Variants in TPD52 observed in about 807,000 individuals in gnomAD.
TPD52 encodes prostate and colon associated protein.
TPD52 carries 17 observed loss-of-function variants against 31.3 expected under a neutral mutation model. The observed-to-expected ratio is 0.54, with a 90% CI of 0.37 to 0.82. The LOEUF is 0.82. TPD52 is among the 40% of genes least tolerant of loss of function. The probability of loss-of-function intolerance (pLI) is 0.00; values close to 1 mark genes in which losing one functional copy is unlikely to be tolerated. For missense variants in TPD52, 212 were observed against 240.1 expected, an observed-to-expected ratio of 0.88 and a Z score of 0.77; for synonymous variants, 83 against 89.6, an observed-to-expected ratio of 0.93 and a Z score of 0.42.
At chr8:80,142,226 A>G (rs1361472037) in intron 1 of TPD52, among the ~76,000 whole-genome samples, 3 of 152,232 alleles carry the variant, frequency 2.0e-5, no homozygotes, top group Non-Finnish European at 2.9e-5. Context: ...ATGAGCTCCC[A>G]AAGGCACAAA....
intron 1 of TPD52, among the ~76,000 whole-genome samples, chr8:80,135,334 C>A (rs1036345148): frequency 6.6e-6 from 1 of 152,048 alleles, no homozygotes; most frequent in African/African-American, 2.4e-5. Context: ...CCTCCCACTT[C>A]CCAAGACAAC....
chr8:80,051,305 T>G, intron 4 of TPD52: 1 of 541,812 alleles, frequency 1.8e-6, no homozygotes, highest in Non-Finnish European at 3.2e-6. Context: ...CCAGAATTTT[T>G]CAACAACCTT....
intron 2 of TPD52, among the ~76,000 whole-genome samples, chr8:80,060,198 G>A: frequency 6.7e-6 from 1 of 149,842 alleles, no homozygotes; most frequent in Admixed American, 6.7e-5. Flanking sequence ...ATGAAAGTGG[G>A]GACATTAACT....
chr8:80,128,139 T>C (rs1339267736), intron 1 of TPD52, among the ~76,000 whole-genome samples: 2 of 152,200 alleles, frequency 1.3e-5, no homozygotes, highest in Non-Finnish European at 2.9e-5. Context: ...GAAACAATTA[T>C]CTCATAATGT....
Position 80,064,459 on chromosome 8 carries a change from A to C in TPD52, c.135+19T>G. The C allele has an allele frequency of 6.3e-7, 1 of 1,597,526 alleles. No individual in the cohort carries two copies. Among genetic ancestry groups the C allele is most frequent in the Non-Finnish European group, 8.6e-7 (1 of 1,165,092 alleles). On this transcript the variant is annotated intron_variant, in intron 2 of 7. Coordinates refer to ENST00000518937, the MANE Select transcript of TPD52 (RefSeq NM_001025253.3). ...ATTTTAAGTGCAAAAATAAAGTTGC[A>C]AAAGGAATGGTTCTTTACCTTTGCA... is the stretch of plus-strand genomic sequence containing the variant.
intron 1 of TPD52, among the ~76,000 whole-genome samples, chr8:80,069,850 GT>G (rs1391956614): frequency 6.6e-6 from 1 of 152,130 alleles, no homozygotes; most frequent in Non-Finnish European, 1.5e-5. Flanking sequence ...TGCGAGTGTG[GT>G]CAGAGCAGGG....
intron 1 of TPD52, among the ~76,000 whole-genome samples, chr8:80,118,021 C>T (rs749763045): frequency 8.5e-5 from 13 of 152,150 alleles, no homozygotes; most frequent in African/African-American, 2.9e-4. Context: ...TGTGAGCCAC[C>T]GCACCCAACC....
In TPD52 at chr8:80,089,772, T is replaced by C. The variant is rs532594253; in HGVS notation, c.20-25179A>G. The stretch of plus-strand genomic sequence containing the variant: ...GGTAAGTTTTTCCCTACCCTTATCT[T>C]ACAACAAAACTGAGACACATCAAAG... On this transcript the variant is annotated intron_variant, in intron 1 of 7. Coordinates refer to ENST00000518937, the MANE Select transcript of TPD52 (RefSeq NM_001025253.3). Among the ~76,000 whole-genome samples, 10 of 152,352 alleles carry C rather than the reference T, an allele frequency of 6.6e-5. No individual in the cohort carries two copies. In the East Asian group the frequency reaches 1.7e-3, roughly 26 times the overall value.
At chr8:80,062,948 C>A (rs1812704314) in intron 2 of TPD52, among the ~76,000 whole-genome samples, 1 of 151,744 alleles carries the variant, frequency 6.6e-6, no homozygotes, top group African/African-American at 2.4e-5. Flanking sequence ...CACCAACCCA[C>A]AAAATAGAGC....
intron 5 of TPD52, among the ~76,000 whole-genome samples, chr8:80,049,267 T>C (rs1349702139): frequency 2.6e-5 from 4 of 152,144 alleles, no homozygotes; most frequent in Admixed American, 6.5e-5. Context: ...AAGCCATGCG[T>C]TCTTTATGGT....
intron 1 of TPD52, among the ~76,000 whole-genome samples, chr8:80,143,155 TA>T (rs1274577224): frequency 1.3e-5 from 2 of 152,184 alleles, no homozygotes; most frequent in Non-Finnish European, 2.9e-5. Context: ...TACAAATTAT[TA>T]AGGCAACTGC....
At position 80,036,391 on chromosome 8, in the gene TPD52, G is replaced by C. The variant is rs947502751; in HGVS notation, c.*1725C>G. The stretch of plus-strand genomic sequence containing the variant: ...TTCTATAGAAAGACAGACTTCTACA[G>C]ATCCACTCCTCTGAGAAAATGCTTC... On this transcript the variant is annotated 3_prime_UTR_variant, in exon 8 of 8. Transcript: ENST00000518937. The C allele has an allele frequency of 6.6e-6, 1 of 152,588 alleles. No homozygotes were observed. Among genetic ancestry groups the C allele is most frequent in the African/African-American group, 2.4e-5 (1 of 41,432 alleles). The allele number at this position is 152,588 out of a possible 1,614,324, so 9.5% of individuals were successfully genotyped here.
Position 80,053,433 on chromosome 8 carries a change from A to G in TPD52, c.136-3T>C, listed in dbSNP as rs746137600. 7 of 1,612,630 alleles carry G rather than the reference A, an allele frequency of 4.3e-6. No homozygotes were observed. The highest frequency in any genetic ancestry group is 1.1e-5 in the South Asian group (1 of 90,944). ...AGAGTCTGGATTTCTTCTTCTACCT[A>G]TGAGGAAGGGGTTTGGGGTAAGAAT... is the stretch of plus-strand genomic sequence containing the variant. On this transcript the variant is annotated splice_polypyrimidine_tract_variant and splice_region_variant and intron_variant, in intron 2 of 7. Coordinates refer to ENST00000518937, the MANE Select transcript of TPD52 (RefSeq NM_001025253.3).
At chr8:80,044,271 A>G in intron 5 of TPD52, 63 bp from the exon 6 acceptor site, 1 of 1,334,096 alleles carries the variant, frequency 7.5e-7, no homozygotes, top group Non-Finnish European at 1.0e-6. Flanking sequence ...CAACATTATT[A>G]AAAGCTGACA....
At chr8:80,121,977 A>AT (rs1354098224) in intron 1 of TPD52, among the ~76,000 whole-genome samples, 1 of 149,546 alleles carries the variant, frequency 6.7e-6, no homozygotes. Context: ...TCTACTTCAC[A>AT]TTTTTTTCTA....
chr8:80,039,915 C>T (rs923298444), intron 7 of TPD52, among the ~76,000 whole-genome samples: 6 of 152,088 alleles, frequency 3.9e-5, no homozygotes, highest in African/African-American at 1.4e-4. Context: ...AGAACCCTTA[C>T]CTCACTTTAG....
Position 80,065,303 on chromosome 8 carries a change from CTATA to C in TPD52, c.20-714_20-711del, listed in dbSNP as rs5892703. Reference sequence around the variant, plus strand: ...TATCTATATATCTATATCTATCTATCTATATATATATATATCATCCAGATACCCT... The same window carrying C: ...TATCTATATATCTATATCTATCTATCTATATATATATCATCCAGATACCCT... On this transcript the variant is annotated intron_variant, in intron 1 of 7. Coordinates refer to ENST00000518937, the MANE Select transcript of TPD52 (RefSeq NM_001025253.3). 3.8e-3 allele frequency among the ~76,000 whole-genome samples: 559 copies of C among 147,204 alleles called. 8 individuals carry two copies. Among genetic ancestry groups the C allele is most frequent in the African/African-American group, 0.013 (522 of 40,342 alleles).
chr8:80,068,132 ATATC>A (rs1257271281), intron 1 of TPD52, among the ~76,000 whole-genome samples: 1 of 152,102 alleles, frequency 6.6e-6, no homozygotes, highest in East Asian at 1.9e-4. Flanking sequence ...AATACAATTA[ATATC>A]TACTGACATC....
chr8:80,038,964 G>A (rs548498833), intron 7 of TPD52, among the ~76,000 whole-genome samples: 1 of 152,254 alleles, frequency 6.6e-6, no homozygotes, highest in East Asian at 1.9e-4. Flanking sequence ...CCTTACACAT[G>A]TCACTTTATC....
Sources: gnomAD v4.1 joint callset for allele counts (sites outside exome capture counted in the v4.1 genomes callset) on GRCh38, gnomAD v4.1.1 for gene constraint, MANE v1.5 for transcripts, NCBI Gene and HGNC (gene_info 2026-07-23, HGNC 2026-07-21) for gene names.